MICAL1: variants seen among roughly 807,000 people sequenced by gnomAD.
MICAL1 encodes the protein [F-actin]-monooxygenase MICAL1.
A neutral mutation model predicts 131.8 loss-of-function variants in MICAL1; 95 were observed. The ratio of observed to expected loss-of-function variants is 0.72; its 90% CI spans 0.61 to 0.86. The LOEUF (loss-of-function observed/expected upper bound fraction) is 0.86, where lower values mean the gene tolerates loss of function less well. Ranked by LOEUF, MICAL1 falls within the 40% of genes least tolerant of loss-of-function variation. The pLI, the probability that MICAL1 is intolerant of heterozygous loss-of-function variation, is 0.00. For synonymous variants in MICAL1, 546 were observed against 554.2 expected (o/e 0.99, Z 0.21); for missense variants, 1,292 against 1,380.6 (o/e 0.94, Z 1.02).
At chr6:109,462,901 T>C (rs1224776384) in intron 1 of MICAL1, 1 of 152,252 alleles carries the variant, frequency 6.6e-6, no homozygotes, top group Non-Finnish European at 1.5e-5. Flanking sequence ...GAAAATGAAT[T>C]GTGAAACACT....
At position 109,455,065 on chromosome 6, in the gene MICAL1, C is replaced by T. The variant is rs1411464247; in HGVS notation, c.-44+654G>A. On this transcript the variant is annotated intron_variant, in intron 1 of 24. Coordinates refer to ENST00000358807, the MANE Select transcript of MICAL1 (RefSeq NM_022765.4). The surrounding 1 kb of genome is among the most constrained non-coding windows in gnomAD (Gnocchi z 4.7). ...CCCCTACCCCGCCCCGCCCCCTGTG[C>T]GCCCGGGCGCGCTCTCCCAGGAATC... Among the ~76,000 whole-genome samples the T allele has an allele frequency of 1.2e-4, 18 of 149,858 alleles. No individual in the cohort carries two copies. Among genetic ancestry groups the T allele is most frequent in the Non-Finnish European group, 2.4e-4 (16 of 67,428 alleles).
chr6:109,453,328 A>C lies in MICAL1; in HGVS notation c.506T>G (p.Leu169Trp), dbSNP rs766208207. The change falls in exon 4 of 25, where the codon TTG becomes TGG. Residue 169 changes from leucine (L) to tryptophan (W), a missense_variant. Transcript: ENST00000358807. Reference protein sequence around the residue: ...QLQLLLLKVALLLGVEIHWGV... With the variant: ...QLQLLLLKVAWLLGVEIHWGV... ...CCAGTGAATTTCCACCCCCAGCAGCAATGCTACCTTCAGCAGAAGCAGCTG... is the reference window on the plus strand; with the variant it reads ...CCAGTGAATTTCCACCCCCAGCAGCCATGCTACCTTCAGCAGAAGCAGCTG... 1.1e-5 allele frequency: 18 copies of C among 1,614,066 alleles called. No individual in the cohort carries two copies. The highest frequency in any genetic ancestry group is 8.5e-7 in the Non-Finnish European group (1 of 1,179,988).
rs566720302 is a variant in MICAL1, at chr6:109,452,138, C to T, written c.832+108G>A. The stretch of plus-strand genomic sequence containing the variant: ...TCCTTTGCTGCTGAGACCAAAAAAA[C>T]AGAAAAGTGTGGAGTTCCTTGCAGT... On this transcript the variant is annotated intron_variant, in intron 6 of 24. Coordinates refer to ENST00000358807, the MANE Select transcript of MICAL1 (RefSeq NM_022765.4). 1.1e-5 allele frequency: 16 copies of T among 1,489,400 alleles called. No homozygotes were observed. In the Admixed American group the frequency reaches 3.7e-4, roughly 35 times the overall value. 92.3% of individuals were successfully genotyped at this position (1,489,400 alleles called of 1,614,324 possible). A position where few individuals can be genotyped will look rare whatever the true frequency, so the allele number is the denominator to read the frequency against.
rs758389236 is a variant in MICAL1, at chr6:109,465,872, T to C, written c.-195A>G. On this transcript the variant is annotated 5_prime_UTR_variant, in exon 1 of 25. Coordinates refer to the MICAL1 transcript ENST00000630715. Reference sequence around the variant, plus strand: ...CAGGTCAGCTCTGCTCCTGGCCAAGTGGCGTTGGCTGGGGCACGTGGTGAG... The same window carrying C: ...CAGGTCAGCTCTGCTCCTGGCCAAGCGGCGTTGGCTGGGGCACGTGGTGAG... 9.3e-6 allele frequency: 15 copies of C among 1,614,114 alleles called. No individual in the cohort carries two copies. In the South Asian group the frequency reaches 1.5e-4, roughly 17 times the overall value.
At position 109,448,305 on chromosome 6, in the gene MICAL1, C is replaced by G; in HGVS notation, c.1753G>C (p.Val585Leu). ...VAENELGITP[V>L]VSAQAVVAGS... ...GCTACCACGGCCTGTGCAGACACCACCGGTGTGATGCCCAGCTCATTCTCT... is the reference window on the plus strand; with the variant it reads ...GCTACCACGGCCTGTGCAGACACCAGCGGTGTGATGCCCAGCTCATTCTCT... Residue 585 changes from valine to leucine, a missense_variant, in exon 13 of 25, where the codon GTG becomes CTG. Coordinates refer to ENST00000358807, the MANE Select transcript of MICAL1 (RefSeq NM_022765.4). 5.6e-6 allele frequency: 9 copies of G among 1,614,022 alleles called. No homozygotes were observed. Among genetic ancestry groups the G allele is most frequent in the Non-Finnish European group, 7.6e-6 (9 of 1,180,012 alleles).
intron 11 of MICAL1, 57 bp from the exon 12 acceptor site, chr6:109,448,936 G>A: frequency 6.3e-7 from 1 of 1,599,380 alleles, no homozygotes; most frequent in Non-Finnish European, 8.5e-7. Context: ...CAGGCATATA[G>A]GGAGCCCAGC....
At chr6:109,453,206 A>T (rs1379089451) in intron 4 of MICAL1, 57 bp downstream of exon 4, 24 of 1,402,268 alleles carry the variant, frequency 1.7e-5, no homozygotes, top group Non-Finnish European at 2.4e-5. Flanking sequence ...TTTTTCAGAC[A>T]CTGGCCAAGT....
At chr6:109,447,548 C>A in intron 15 of MICAL1, 108 bp from the exon 16 acceptor site, 1 of 1,517,834 alleles carries the variant, frequency 6.6e-7, no homozygotes, top group Middle Eastern at 1.8e-4. Context: ...TGAGACTAGG[C>A]AGGGAGGCTG....
chr6:109,453,649 A>T lies in MICAL1; in HGVS notation c.455T>A (p.Leu152Gln). The change falls in exon 3 of 25, where the codon CTG (leucine) becomes CAG (glutamine). Residue 152 changes from leucine to glutamine, a missense_variant. By Grantham distance (113) the Leu-to-Gln change is moderately radical. Coordinates refer to ENST00000358807, the MANE Select transcript of MICAL1 (RefSeq NM_022765.4). ...CACGTGGTGCTCACTGATGTGGTCC[A>T]GGGTGCCGGTGCAGAAGCGCCCGTA... ...KFYGRFCTGTLDHISIRQLQL... is the reference protein window; with the variant it reads ...KFYGRFCTGTQDHISIRQLQL... The T allele has an allele frequency of 6.2e-7, 1 of 1,603,780 alleles. No homozygotes were observed. The highest frequency in any genetic ancestry group is 8.5e-7 in the Non-Finnish European group (1 of 1,175,306).
exon 1 of MICAL1, chr6:109,465,793 T>G: frequency 6.2e-7 from 1 of 1,614,068 alleles, no homozygotes; most frequent in East Asian, 2.2e-5. Flanking sequence ...GCGTTCAAAA[T>G]CCAGTCAGAG....
At position 109,445,772 on chromosome 6, in the gene MICAL1, TGTTCCACATCTGA is replaced by T. The variant is rs1775187307; in HGVS notation, c.2659_2671del (p.Ser887ArgfsTer13). 2 of 1,610,362 alleles carry T rather than the reference TGTTCCACATCTGA, an allele frequency of 1.2e-6. No individual in the cohort carries two copies. Among genetic ancestry groups the T allele is most frequent in the Non-Finnish European group, 8.5e-7 (1 of 1,178,548 alleles). ...GTGGCTGCACGCTGGCCCACTCACC[TGTTCCACATCTGA>T]GTCCAAAGGCACATCTTCTTCTTCC... On this transcript the variant is annotated frameshift_variant and splice_region_variant, in exon 20 of 25. Coordinates refer to ENST00000358807, the MANE Select transcript of MICAL1 (RefSeq NM_022765.4). LOFTEE classifies it high-confidence loss of function.
chr6:109,463,561 C>T (rs932226132), intron 1 of MICAL1: 5 of 152,032 alleles, frequency 3.3e-5, no homozygotes, highest in African/African-American at 9.7e-5. Context: ...TAAACTGATA[C>T]TTATTTCAAT....
rs778783348 is a variant in MICAL1 at position 109,444,931 on chromosome 6, G to A, written c.2946C>T (p.Asn982=). The change falls in exon 23 of 25, where the codon AAC becomes AAT. Residue 982 remains asparagine, a synonymous_variant. Transcript: ENST00000358807. The part of the protein sequence containing the change: ...GQLLQLVDKK[N]SLVAEEAELM... Reference sequence around the variant, plus strand: ...GCTCGGCCTCCTCAGCCACCAGGCTGTTTTTCTTGTCAACGAGCTGTAGCA... The same window carrying A: ...GCTCGGCCTCCTCAGCCACCAGGCTATTTTTCTTGTCAACGAGCTGTAGCA... The A allele has an allele frequency of 6.2e-7, 1 of 1,614,150 alleles. No individual in the cohort carries two copies. The highest frequency in any genetic ancestry group is 8.5e-7 in the Non-Finnish European group (1 of 1,180,036).
In MICAL1 at chr6:109,448,208, C is replaced by G; in HGVS notation, c.1850G>C (p.Ser617Thr). The G allele has an allele frequency of 4.3e-6, 7 of 1,611,664 alleles. No individual in the cohort carries two copies. The highest frequency in any genetic ancestry group is 5.9e-6 in the Non-Finnish European group (7 of 1,179,754). ...CCGCCTTTCCTTCAGGTCACCTGGG[C>G]TGTGGGCCATGCTCTTGAAGGCACT... is the stretch of plus-strand genomic sequence containing the variant. ...FHSAFKSMAH[S>T]PGPVSQASPG... The change falls in exon 13 of 25, where the codon AGC (serine) becomes ACC (threonine). Residue 617 changes from serine to threonine, a missense_variant. Transcript: ENST00000358807.
intron 13 of MICAL1, 50 bp from the exon 14 acceptor site, chr6:109,448,013 A>G (rs4946975): frequency 6.6e-7 from 1 of 1,518,998 alleles, no homozygotes; most frequent in East Asian, 2.3e-5. Flanking sequence ...CCAATACTGT[A>G]CTCTCAGAAC....
intron 1 of MICAL1, chr6:109,464,855 G>T (rs1302882902): frequency 6.6e-6 from 1 of 152,164 alleles, no homozygotes; most frequent in Non-Finnish European, 1.5e-5. Flanking sequence ...GATTTAACTA[G>T]TCTGCAATAA....
At position 109,447,883 on chromosome 6, in the gene MICAL1, G is replaced by A. The variant is rs765813919; in HGVS notation, c.1936C>T (p.Arg646Trp). ...CTGCCTAAACTCTCCACCTTGGCCCGGGATCGCTGCAGGGTCCTCTGAAGT... is the reference window on the plus strand; with the variant it reads ...CTGCCTAAACTCTCCACCTTGGCCCAGGATCGCTGCAGGGTCCTCTGAAGT... Reference protein sequence around the residue: ...SKLQRTLQRSRAKENAEDAGG... With the variant: ...SKLQRTLQRSWAKENAEDAGG... Residue 646 changes from arginine to tryptophan, a missense_variant, in exon 14 of 25, where the codon CGG (arginine) becomes TGG (tryptophan). Coordinates refer to ENST00000358807, the MANE Select transcript of MICAL1 (RefSeq NM_022765.4). 18 of 1,613,216 alleles carry A rather than the reference G, an allele frequency of 1.1e-5. No individual in the cohort carries two copies. Among genetic ancestry groups the A allele is most frequent in the East Asian group, 1.1e-4 (5 of 44,862 alleles).
In MICAL1 at chr6:109,449,052, T is replaced by A. The variant is rs907857174; in HGVS notation, c.1517-173A>T. The A allele has an allele frequency of 2.1e-5, 18 of 864,704 alleles. No individual in the cohort carries two copies. The East Asian group carries it at 2.7e-4, about 13-fold the overall frequency. 53.6% of individuals were successfully genotyped at this position (864,704 alleles called of 1,614,324 possible). On this transcript the variant is annotated intron_variant, in intron 11 of 24. Transcript: ENST00000358807. ...GCAGCTCTCCATCCCAATTCTCTTTTAAAAAAAATCTCTTTGGAATAAAGT... is the reference window on the plus strand; with the variant it reads ...GCAGCTCTCCATCCCAATTCTCTTTAAAAAAAAATCTCTTTGGAATAAAGT...
chr6:109,444,507 C>A (rs1004259531), intron 24 of MICAL1, among the ~76,000 whole-genome samples, 168 bp from the exon 25 acceptor site: 12 of 152,154 alleles, frequency 7.9e-5, no homozygotes, highest in African/African-American at 2.7e-4. Context: ...CTGAGCAGCA[C>A]GATTTTTTTT....
Sources: gnomAD v4.1 joint callset for allele counts (sites outside exome capture counted in the v4.1 genomes callset) on GRCh38, gnomAD v4.1.1 for gene constraint, Gnocchi (gnomAD v3.1) non-coding constraint, MANE v1.5 for transcripts, NCBI Gene and HGNC (gene_info 2026-07-23, HGNC 2026-07-21) for gene names.